RTTN: variants seen among roughly 807,000 people sequenced by gnomAD.
The protein encoded by RTTN is rotatin.
In RTTN, 182 loss-of-function variants were observed where a neutral mutation model predicts 269.2. That is an observed-to-expected ratio of 0.68 (90% CI 0.60 to 0.76). The LOEUF is 0.76. Ranked by LOEUF, RTTN falls within the 30% of genes least tolerant of loss-of-function variation. The probability of loss-of-function intolerance (pLI) is 0.00; values close to 1 mark genes in which losing one functional copy is unlikely to be tolerated. For missense variants in RTTN, 2,545 were observed against 2,608.6 expected (o/e 0.98, Z 0.53); for synonymous variants, 1,006 against 963.5 (o/e 1.04, Z -0.82).
intron 8 of RTTN, among the ~76,000 whole-genome samples, chr18:70,191,177 G>C (rs1420242863): frequency 6.6e-6 from 1 of 150,712 alleles, no homozygotes; most frequent in African/African-American, 2.4e-5. Flanking sequence ...CTGGGCGACA[G>C]AGCAAGACTC....
chr18:70,146,689 T>A (rs2060402397), intron 17 of RTTN, among the ~76,000 whole-genome samples: 1 of 152,202 alleles, frequency 6.6e-6, no homozygotes, highest in South Asian at 2.1e-4. Flanking sequence ...TAATAAAGAA[T>A]AATTGATAAT....
At position 70,197,721 on chromosome 18, in the gene RTTN, T is replaced by C; in HGVS notation, c.596A>G (p.Asn199Ser). The C allele has an allele frequency of 6.3e-7, 1 of 1,599,706 alleles. No homozygotes were observed. The highest frequency in any genetic ancestry group is 1.1e-5 in the South Asian group (1 of 90,784). Residue 199 changes from asparagine to serine, a missense_variant, in exon 6 of 49, where the codon AAC becomes AGC. By Grantham distance (46) the Asn-to-Ser change is conservative. Transcript: ENST00000640769. ...SSNESSLRSS[N>S]HTLIWNTCEL... ...ACAGGTGTTCCAGATTAAAGTGTGG[T>C]TACTACTTCTTAAAGAGCTACAAAA...
chr18:70,032,443 T>G (rs1660125319), intron 40 of RTTN, among the ~76,000 whole-genome samples: 2 of 152,074 alleles, frequency 1.3e-5, no homozygotes, highest in African/African-American at 4.8e-5. Context: ...CTCACCCATC[T>G]CATGCAATGA....
intron 10 of RTTN, among the ~76,000 whole-genome samples, chr18:70,178,302 C>A (rs997396630): frequency 6.6e-6 from 1 of 152,142 alleles, no homozygotes; most frequent in African/African-American, 2.4e-5. Flanking sequence ...ATGGGTGAAC[C>A]TTTAAAACAT....
intron 45 of RTTN, 58 bp from the exon 46 acceptor site, chr18:70,017,732 T>C: frequency 1.4e-6 from 2 of 1,427,498 alleles, no homozygotes; most frequent in Non-Finnish European, 1.9e-6. Context: ...ATTTTCCTAG[T>C]CCCTTGGTGA....
intron 47 of RTTN, 131 bp downstream of exon 47, chr18:70,006,250 C>A: frequency 1.6e-6 from 1 of 624,846 alleles, no homozygotes. Context: ...GCAAAGGGAA[C>A]ATGGATCTTT....
intron 10 of RTTN, among the ~76,000 whole-genome samples, chr18:70,181,097 T>C (rs760477091): frequency 5.9e-5 from 9 of 152,206 alleles, no homozygotes; most frequent in Non-Finnish European, 1.2e-4. Flanking sequence ...GATACAAAGA[T>C]CTTTAGTTTC....
At chr18:70,150,154 T>A in intron 15 of RTTN, 67 bp from the exon 16 acceptor site, 1 of 897,942 alleles carries the variant, frequency 1.1e-6, no homozygotes, top group Non-Finnish European at 1.8e-6. Flanking sequence ...CTGACACACC[T>A]GGAACATTTT....
intron 14 of RTTN, among the ~76,000 whole-genome samples, chr18:70,155,885 T>C (rs949369592): frequency 6.6e-6 from 1 of 152,346 alleles, no homozygotes; most frequent in African/African-American, 2.4e-5. Context: ...GAAGATTTCA[T>C]GGACACTTAT....
chr18:70,193,856 C>T (rs2061740286), intron 7 of RTTN, among the ~76,000 whole-genome samples: 1 of 152,178 alleles, frequency 6.6e-6, no homozygotes, highest in Admixed American at 6.5e-5. Context: ...AAAAATAAAT[C>T]TTCATGACCT....
intron 35 of RTTN, chr18:70,061,202 T>C: frequency 2.7e-6 from 1 of 365,988 alleles, no homozygotes; most frequent in Non-Finnish European, 5.4e-6. Flanking sequence ...CCAACAACAC[T>C]GTATGAGAGC....
At chr18:70,081,470 G>A (rs548391635) in intron 32 of RTTN, among the ~76,000 whole-genome samples, 1 of 152,246 alleles carries the variant, frequency 6.6e-6, no homozygotes, top group East Asian at 1.9e-4. Context: ...TCTTTACTAA[G>A]TAATCAAAGT....
rs985576762 is a variant in RTTN, at chr18:70,004,045, T to C, written c.*106A>G. 1.3e-5 allele frequency: 10 copies of C among 770,450 alleles called. No individual in the cohort carries two copies. Among genetic ancestry groups the C allele is most frequent in the African/African-American group, 8.6e-5 (5 of 58,086 alleles). 47.7% of individuals were successfully genotyped at this position (770,450 alleles called of 1,614,324 possible). A position where few individuals can be genotyped will look rare whatever the true frequency, so the allele number is the denominator to read the frequency against. ...GGGAAAGAAGGGGATCAACACTTTG[T>C]AGAGAGGTAGCACGTCTTCAGGTAA... On this transcript the variant is annotated 3_prime_UTR_variant, in exon 49 of 49. Coordinates refer to ENST00000640769, the MANE Select transcript of RTTN (RefSeq NM_173630.4).
rs139173835 is a variant in RTTN at position 70,021,439 on chromosome 18, T to A, written c.5951-622A>T. Among the ~76,000 whole-genome samples, 155 of 152,350 alleles carry A rather than the reference T, an allele frequency of 1.0e-3. 1 individual carries two copies. The highest frequency in any genetic ancestry group is 4.0e-4 in the Non-Finnish European group (27 of 68,040). ...TATTTTAATGTTAAATCAATAAGAC[T>A]GTATTATACATAAACCTAAGGTATA... On this transcript the variant is annotated intron_variant, in intron 44 of 48. Transcript: ENST00000640769.
intron 7 of RTTN, among the ~76,000 whole-genome samples, chr18:70,193,807 C>G (rs1335164304): frequency 3.3e-5 from 5 of 152,140 alleles, no homozygotes; most frequent in Non-Finnish European, 5.9e-5. Context: ...GGATCAACAA[C>G]CTAAATATAA....
intron 27 of RTTN, among the ~76,000 whole-genome samples, chr18:70,111,569 A>C (rs1037067966): frequency 1.3e-5 from 2 of 152,248 alleles, no homozygotes; most frequent in African/African-American, 4.8e-5. Context: ...AGAAGATCAA[A>C]TTAATGAAAT....
At chr18:70,066,203 C>T (rs2058129372) in intron 34 of RTTN, among the ~76,000 whole-genome samples, 1 of 152,066 alleles carries the variant, frequency 6.6e-6, no homozygotes, top group Non-Finnish European at 1.5e-5. Flanking sequence ...AAGGCCAATT[C>T]CCTCATTGCC....
chr18:70,114,897 T>G (rs752950635), intron 26 of RTTN, among the ~76,000 whole-genome samples: 4 of 152,134 alleles, frequency 2.6e-5, no homozygotes, highest in Non-Finnish European at 5.9e-5. Context: ...CTCTCCTTTT[T>G]GTTTCTGAGA....
intron 40 of RTTN, among the ~76,000 whole-genome samples, chr18:70,045,438 T>C (rs899755599): frequency 3.9e-5 from 6 of 152,242 alleles, no homozygotes; most frequent in Non-Finnish European, 7.3e-5. Flanking sequence ...ATATAATTTC[T>C]TCAGATAATT....
Sources: gnomAD v4.1 joint callset for allele counts (sites outside exome capture counted in the v4.1 genomes callset) on GRCh38, gnomAD v4.1.1 for gene constraint, MANE v1.5 for transcripts, NCBI Gene and HGNC (gene_info 2026-07-23, HGNC 2026-07-21) for gene names.